Variants in COL4A5 observed in about 807,000 individuals in gnomAD.
The protein encoded by COL4A5 is collagen alpha-5(IV) chain.
COL4A5 carries 26 observed loss-of-function variants against 130.2 expected under a neutral mutation model. The observed-to-expected ratio is 0.20, with a 90% CI of 0.15 to 0.28. COL4A5 has a LOEUF of 0.28. COL4A5 is among the 10% of genes least tolerant of loss of function. COL4A5 has a pLI of 1.00. For missense variants in COL4A5, 1,131 were observed against 1,344.3 expected (o/e 0.84, Z 2.48); for synonymous variants, 496 against 439.6 (o/e 1.13, Z -1.60).
chrX:108,474,494 A>G (rs2064812652), intron 1 of COL4A5, among the ~76,000 whole-genome samples: 1 of 112,064 alleles, frequency 8.9e-6, no homozygotes, highest in African/African-American at 3.2e-5. Context: ...GGTACACTCT[A>G]TGATGTTTGC....
chrX:108,544,425 A>C (rs2065608253), intron 2 of COL4A5, among the ~76,000 whole-genome samples: 1 of 112,093 alleles, frequency 8.9e-6, no homozygotes, highest in African/African-American at 3.2e-5. Flanking sequence ...TGATTGGCGT[A>C]TGTTGAACCA....
At chrX:108,465,722 G>T (rs1156634929) in intron 1 of COL4A5, among the ~76,000 whole-genome samples, 3 of 111,548 alleles carry the variant, frequency 2.7e-5, no homozygotes, top group Non-Finnish European at 5.7e-5. Flanking sequence ...GATATTTGGT[G>T]CTTTTAACTT....
chrX:108,512,104 T>C (rs2065184412), intron 1 of COL4A5, among the ~76,000 whole-genome samples: 1 of 112,417 alleles, frequency 8.9e-6, no homozygotes, highest in Non-Finnish European at 1.9e-5. Context: ...GGTTCAACAT[T>C]TATATTAATA....
At chrX:108,594,860 T>A (rs2066488904) in intron 21 of COL4A5, among the ~76,000 whole-genome samples, 1 of 110,542 alleles carries the variant, frequency 9.0e-6, no homozygotes, top group Non-Finnish European at 1.9e-5. Flanking sequence ...AAATATTTAA[T>A]GTATATTTAA....
intron 34 of COL4A5, among the ~76,000 whole-genome samples, chrX:108,625,265 T>G (rs1419671931): frequency 9.0e-6 from 1 of 111,583 alleles, no homozygotes; most frequent in Non-Finnish European, 1.9e-5. Flanking sequence ...TGTACTAAAC[T>G]ATATCATAAC....
intron 37 of COL4A5, among the ~76,000 whole-genome samples, chrX:108,661,752 A>T (rs2067960219): frequency 9.0e-6 from 1 of 111,237 alleles, no homozygotes; most frequent in African/African-American, 3.3e-5. Context: ...AATTCCTGGT[A>T]TCAACTTGAT....
intron 34 of COL4A5, among the ~76,000 whole-genome samples, chrX:108,625,212 T>G (rs1461781952): frequency 8.9e-6 from 1 of 112,689 alleles, no homozygotes; most frequent in African/African-American, 3.2e-5. Flanking sequence ...TTCAGGTCAC[T>G]GCCCAGTATC....
chrX:108,519,844 T>C (rs765667471), intron 1 of COL4A5, among the ~76,000 whole-genome samples: 1 of 111,419 alleles, frequency 9.0e-6, no homozygotes, highest in East Asian at 2.8e-4. Context: ...TATTTTCTGA[T>C]TTTGTTTATG....
chrX:108,522,759 T>C lies in COL4A5; in HGVS notation c.82-16987T>C, dbSNP rs754629895. Among the ~76,000 whole-genome samples, 7 of 109,431 alleles carry C rather than the reference T, an allele frequency of 6.4e-5. No individual in the cohort carries two copies. In the South Asian group the frequency reaches 2.0e-3, roughly 32 times the overall value. On this transcript the variant is annotated intron_variant, in intron 1 of 52. Transcript: ENST00000328300. ...GGTTGTCTTTTCACTTTCTTGGTAG[T>C]GTCCTTTGAAGCTCAAACTTTTACA...
intron 1 of COL4A5, among the ~76,000 whole-genome samples, chrX:108,483,791 G>A (rs2064916857): frequency 8.9e-6 from 1 of 112,229 alleles, no homozygotes; most frequent in Non-Finnish European, 1.9e-5. Flanking sequence ...GTTATTGCCT[G>A]TCTTCTTGAT....
chrX:108,469,169 CT>C (rs529015725), intron 1 of COL4A5, among the ~76,000 whole-genome samples: 93 of 77,659 alleles, frequency 1.2e-3, no homozygotes, highest in South Asian at 4.2e-3. Flanking sequence ...CTCTCTCTCT[CT>C]TTTTTTTTTT....
intron 3 of COL4A5, among the ~76,000 whole-genome samples, chrX:108,560,638 G>A (rs1264212692): frequency 8.9e-6 from 1 of 112,840 alleles, no homozygotes; most frequent in East Asian, 2.8e-4. Context: ...TTTGTTTTAT[G>A]TAATGTTATA....
chrX:108,678,430 T>C (rs2068352474), intron 44 of COL4A5, among the ~76,000 whole-genome samples: 1 of 112,033 alleles, frequency 8.9e-6, no homozygotes, highest in African/African-American at 3.2e-5. Context: ...TAAATATGCA[T>C]ATTTCCAGAA....
chrX:108,695,866 A>T (rs777589798), intron 52 of COL4A5: 1 of 218,774 alleles, frequency 4.6e-6, no homozygotes, highest in East Asian at 1.2e-4. Flanking sequence ...TATGTACCTC[A>T]GGATACTTCA....
intron 4 of COL4A5, among the ~76,000 whole-genome samples, chrX:108,567,859 G>A (rs1482757545): frequency 9.0e-6 from 1 of 111,705 alleles, no homozygotes; most frequent in East Asian, 2.8e-4. Flanking sequence ...CCCACAACAC[G>A]TGGGAATTAT....
chrX:108,650,584 A>T (rs186816619), intron 36 of COL4A5, among the ~76,000 whole-genome samples: 1 of 111,828 alleles, frequency 8.9e-6, no homozygotes, highest in East Asian at 2.8e-4. Flanking sequence ...ATACAATGGA[A>T]TTCTACTCGG....
At chrX:108,445,732 A>G (rs1389248338) in intron 1 of COL4A5, among the ~76,000 whole-genome samples, 1 of 111,900 alleles carries the variant, frequency 8.9e-6, no homozygotes, top group Non-Finnish European at 1.9e-5. Context: ...TGAAGCAATA[A>G]CTATATATTT....
intron 2 of COL4A5, among the ~76,000 whole-genome samples, chrX:108,550,491 C>T (rs1231808337): frequency 8.9e-6 from 1 of 111,801 alleles, no homozygotes; most frequent in Non-Finnish European, 1.9e-5. Flanking sequence ...TAATGACATT[C>T]AATATCCATT....
At chrX:108,597,347 C>A in intron 23 of COL4A5, 30 bp from the exon 24 acceptor site, 2 of 1,174,233 alleles carry the variant, frequency 1.7e-6, no homozygotes, top group Non-Finnish European at 2.3e-6. Flanking sequence ...TTTTTCCACT[C>A]TTTTTTCTTT....
Sources: allele counts gnomAD v4.1 joint callset (sites outside exome capture counted in the v4.1 genomes callset), GRCh38; gene constraint gnomAD v4.1.1; transcripts MANE v1.5; gene names NCBI Gene and HGNC (gene_info 2026-07-23, HGNC 2026-07-21).